The following SCFD2 variants were observed in gnomAD, a reference collection of about 807,000 sequenced individuals.
SCFD2 encodes sec1 family domain-containing protein 2.
Under a neutral mutation model 58.9 loss-of-function variants are expected in SCFD2, and 54 were observed. That is an observed-to-expected ratio of 0.92 (90% confidence interval 0.74 to 1.15). The LOEUF is 1.15. Ranked by LOEUF, SCFD2 falls within the 50% of genes most tolerant of loss-of-function variation. The probability of loss-of-function intolerance (pLI) is 0.00; values close to 1 mark genes in which losing one functional copy is unlikely to be tolerated. For missense variants in SCFD2, 805 were observed against 836.6 expected, an observed-to-expected ratio of 0.96 and a Z score of 0.47; for synonymous variants, 321 against 335.9, an observed-to-expected ratio of 0.96 and a Z score of 0.49.
intron 4 of SCFD2, among the ~76,000 whole-genome samples, chr4:53,197,421 G>C (rs1251560383): frequency 6.6e-6 from 1 of 151,864 alleles, no homozygotes; most frequent in Admixed American, 6.6e-5. Flanking sequence ...AAGGACTCCA[G>C]GTCAGCCCAA....
intron 4 of SCFD2, among the ~76,000 whole-genome samples, chr4:53,251,818 T>C (rs928441971): frequency 6.6e-6 from 1 of 151,680 alleles, no homozygotes; most frequent in Non-Finnish European, 1.5e-5. Flanking sequence ...CTTTGAAAAC[T>C]GGCACAAGAC....
Position 52,920,801 on chromosome 4 carries a change from A to C in SCFD2, c.1631T>G (p.Leu544Arg). The change falls in exon 6 of 9, where the codon CTT (leucine) becomes CGT (arginine). Residue 544 changes from leucine to arginine, a missense_variant. Leu to Arg is a moderately radical substitution (Grantham distance 102). Coordinates refer to ENST00000401642, the MANE Select transcript of SCFD2 (RefSeq NM_152540.4). The part of the protein sequence containing the change: ...KIAVDELFTS[L>R]RDIAGARSLL... ...ACTCCGAGCTCCAGCAATATCCCGA[A>C]GTGAAGTAAAGAGTTCATCCACGGC... The C allele has an allele frequency of 6.2e-7, 1 of 1,611,260 alleles. No individual in the cohort carries two copies. The highest frequency in any genetic ancestry group is 8.5e-7 in the Non-Finnish European group (1 of 1,177,656).
chr4:53,076,137 A>G (rs554622288), intron 5 of SCFD2, among the ~76,000 whole-genome samples: 77 of 152,286 alleles, frequency 5.1e-4, no homozygotes, highest in African/African-American at 1.9e-3. Flanking sequence ...TGTTCTCCTC[A>G]GTCCTAATTT....
chr4:53,229,637 C>T (rs993336564), intron 4 of SCFD2, among the ~76,000 whole-genome samples: 1 of 152,212 alleles, frequency 6.6e-6, no homozygotes, highest in African/African-American at 2.4e-5. Flanking sequence ...GGATTAAAGA[C>T]TTACATGTTA....
intron 4 of SCFD2, among the ~76,000 whole-genome samples, chr4:53,266,093 T>C (rs769574195): frequency 8.5e-5 from 13 of 152,060 alleles, no homozygotes; most frequent in Non-Finnish European, 1.8e-4. Flanking sequence ...ACATCAGCCA[T>C]CCATTGCAGA....
At chr4:53,036,203 T>TC (rs1722755391) in intron 5 of SCFD2, among the ~76,000 whole-genome samples, 1 of 151,658 alleles carries the variant, frequency 6.6e-6, no homozygotes, top group Admixed American at 6.6e-5. Context: ...ATGCTATCCC[T>TC]CCCCCAGCCC....
intron 5 of SCFD2, among the ~76,000 whole-genome samples, chr4:52,938,761 C>A (rs1220328471): frequency 6.6e-6 from 1 of 152,172 alleles, no homozygotes; most frequent in Non-Finnish European, 1.5e-5. Context: ...CACTCTCAAT[C>A]TAGATTAAAG....
At chr4:52,977,119 T>C (rs550148938) in intron 5 of SCFD2, among the ~76,000 whole-genome samples, 2 of 152,226 alleles carry the variant, frequency 1.3e-5, no homozygotes, top group South Asian at 4.2e-4. Flanking sequence ...AAATTCTACT[T>C]TGAACAATTG....
chr4:53,248,250 C>A (rs995141747), intron 4 of SCFD2, among the ~76,000 whole-genome samples: 2 of 152,208 alleles, frequency 1.3e-5, no homozygotes. Flanking sequence ...AAATTATATC[C>A]CGCACCTGGC....
chr4:53,219,564 C>A (rs535676983), intron 4 of SCFD2, among the ~76,000 whole-genome samples: 5 of 152,128 alleles, frequency 3.3e-5, no homozygotes, highest in Non-Finnish European at 7.3e-5. Flanking sequence ...AAAGGGAATT[C>A]CCTGACCCCT....
chr4:53,260,759 GA>G (rs1252704562), intron 4 of SCFD2, among the ~76,000 whole-genome samples: 2 of 151,964 alleles, frequency 1.3e-5, no homozygotes, highest in East Asian at 3.9e-4. Context: ...ATTTAGGGGG[GA>G]TTCCCTCTTT....
chr4:53,065,420 T>C (rs997781697), intron 5 of SCFD2, among the ~76,000 whole-genome samples: 2 of 152,108 alleles, frequency 1.3e-5, no homozygotes, highest in East Asian at 1.9e-4. Context: ...AAATAATAAG[T>C]CAGATGTCAG....
chr4:53,329,805 G>C (rs941275935), intron 2 of SCFD2, among the ~76,000 whole-genome samples: 4 of 151,726 alleles, frequency 2.6e-5, no homozygotes, highest in African/African-American at 7.3e-5. Context: ...CTGAGCTACG[G>C]GAGGACACTC....
At chr4:53,247,867 CAAAAAAAAA>C (rs35585900) in intron 4 of SCFD2, among the ~76,000 whole-genome samples, 9 of 54,530 alleles carry the variant, frequency 1.7e-4, no homozygotes, top group African/African-American at 5.0e-4. Flanking sequence ...GACTCCGTCT[CAAAAAAAAA>C]AAAAAAAAAA....
chr4:53,286,417 A>G (rs2149082019), intron 3 of SCFD2, among the ~76,000 whole-genome samples: 1 of 152,216 alleles, frequency 6.6e-6, no homozygotes, highest in South Asian at 2.1e-4. Context: ...ACCTGAATCC[A>G]GACTTCAGAG....
chr4:53,353,977 G>C (rs1020906908), intron 1 of SCFD2, among the ~76,000 whole-genome samples: 5 of 152,260 alleles, frequency 3.3e-5, no homozygotes, highest in African/African-American at 1.2e-4. Flanking sequence ...AGACATAAAA[G>C]TTCTCTAAGT....
intron 5 of SCFD2, among the ~76,000 whole-genome samples, chr4:53,132,076 A>T (rs998319757): frequency 2.6e-5 from 4 of 152,210 alleles, no homozygotes; most frequent in African/African-American, 9.7e-5. Flanking sequence ...GTGGCATGGA[A>T]AAATTAAGTA....
intron 4 of SCFD2, among the ~76,000 whole-genome samples, chr4:53,214,677 T>C (rs1489744902): frequency 2.0e-5 from 3 of 152,180 alleles, no homozygotes; most frequent in East Asian, 1.9e-4. Flanking sequence ...TTTGTCAATT[T>C]TGGCTTTTGT....
At chr4:53,330,264 A>G (rs1299197838) in intron 2 of SCFD2, among the ~76,000 whole-genome samples, 14 of 151,980 alleles carry the variant, frequency 9.2e-5, no homozygotes, top group Non-Finnish European at 1.5e-4. Flanking sequence ...GATACTCCTC[A>G]AGAAGAGCAA....
Sources: allele counts gnomAD v4.1 joint callset (sites outside exome capture counted in the v4.1 genomes callset), GRCh38; gene constraint gnomAD v4.1.1; transcripts MANE v1.5; gene names NCBI Gene and HGNC (gene_info 2026-07-23, HGNC 2026-07-21).